The following ANO1 variants were observed in gnomAD, a reference collection of about 807,000 sequenced individuals.
The protein encoded by ANO1 is anoctamin 1, also known as anoctamin-1.
Under a neutral mutation model 124.0 loss-of-function variants are expected in ANO1, and 59 were observed. That is an observed-to-expected ratio of 0.48 (90% CI 0.39 to 0.59). The LOEUF (loss-of-function observed/expected upper bound fraction) is 0.59. Among genes scored for constraint, ANO1 ranks in the 20% least tolerant of loss-of-function variants. The pLI is 0.00. For synonymous variants in ANO1, 529 were observed against 532.0 expected, an observed-to-expected ratio of 0.99 and a Z score of 0.08; for missense variants, 1,059 against 1,328.0, an observed-to-expected ratio of 0.80 and a Z score of 3.15.
At chr11:70,161,425 G>C (rs2048040274) in intron 17 of ANO1, 63 bp downstream of exon 17, 2 of 1,558,194 alleles carry the variant, frequency 1.3e-6, no homozygotes, top group African/African-American at 2.7e-5. Flanking sequence ...CCTGCCTCTT[G>C]CTGTGCATCC....
chr11:70,076,586 A>G (rs76601845), upstream of ANO1, among the ~76,000 whole-genome samples: 26,609 of 152,178 alleles, frequency 0.17, 2,550 homozygotes, highest in Admixed American at 0.25. Flanking sequence ...TCCTCTGTAC[A>G]TGCGTGTGGG....
chr11:70,096,214 T>C (rs1388716225), intron 2 of ANO1, among the ~76,000 whole-genome samples: 1 of 152,208 alleles, frequency 6.6e-6, no homozygotes, highest in Non-Finnish European at 1.5e-5. Context: ...TGCAGCGTTA[T>C]AGATGAGAGC....
chr11:70,089,467 T>G (rs1296583027), intron 2 of ANO1, among the ~76,000 whole-genome samples: 2 of 152,200 alleles, frequency 1.3e-5, no homozygotes, highest in Non-Finnish European at 2.9e-5. Flanking sequence ...ACGTGCTCCA[T>G]GGGGCCTCCC....
intron 1 of ANO1, among the ~76,000 whole-genome samples, chr11:70,058,370 TAC>T (rs1228334805): frequency 6.6e-6 from 1 of 152,238 alleles, no homozygotes; most frequent in Non-Finnish European, 1.5e-5. Context: ...TTTAAAAATA[TAC>T]AGAGTCCTCC....
intron 1 of ANO1, among the ~76,000 whole-genome samples, chr11:70,036,187 T>C (rs6592769): frequency 0.23 from 35,209 of 151,926 alleles, 4,837 homozygotes; most frequent in South Asian, 0.33. Flanking sequence ...GGATCTGGAG[T>C]AGAATCCTTC....
At chr11:70,104,885 A>G (rs2045439955) in intron 4 of ANO1, among the ~76,000 whole-genome samples, 1 of 152,120 alleles carries the variant, frequency 6.6e-6, no homozygotes, top group African/African-American at 2.4e-5. Context: ...CTCAGCTCAC[A>G]GGGGCCCTTG....
chr11:70,083,243 TTACAAGATA>T (rs2044255081), intron 1 of ANO1, among the ~76,000 whole-genome samples: 1 of 152,180 alleles, frequency 6.6e-6, no homozygotes, highest in South Asian at 2.1e-4. Flanking sequence ...TGGAAACTCT[TTACAAGATA>T]TATTAACAGG....
At chr11:70,118,128 A>C (rs538898829) in intron 8 of ANO1, among the ~76,000 whole-genome samples, 1 of 151,208 alleles carries the variant, frequency 6.6e-6, no homozygotes, top group African/African-American at 2.4e-5. Flanking sequence ...TCTTCCATGG[A>C]CACCAGTAGT....
intron 1 of ANO1, among the ~76,000 whole-genome samples, chr11:70,080,768 G>A (rs569351368): frequency 6.6e-6 from 1 of 152,342 alleles, no homozygotes; most frequent in East Asian, 1.9e-4. Context: ...GAGCTTGGAA[G>A]GCTGAATCAG....
Position 70,155,906 on chromosome 11 carries a change from C to CT in ANO1, c.1426-4dup. 1.9e-6 allele frequency: 3 copies of CT among 1,541,256 alleles called. No homozygotes were observed. The highest frequency in any genetic ancestry group is 2.6e-6 in the Non-Finnish European group (3 of 1,143,034). On this transcript the variant is annotated splice_polypyrimidine_tract_variant and splice_region_variant and intron_variant, in intron 14 of 25. Coordinates refer to ENST00000355303, the MANE Select transcript of ANO1 (RefSeq NM_018043.7). ...CGGTGCTCTCTTTCCCCCACCCCCC[C>CT]TCAGAAGCGCCGGCATATTCCAGAG...
chr11:70,017,794 A>G (rs1856728763), intron 1 of ANO1, among the ~76,000 whole-genome samples: 1 of 152,120 alleles, frequency 6.6e-6, no homozygotes, highest in African/African-American at 2.4e-5. Flanking sequence ...CTCTGGAATT[A>G]CAGGCATGAG....
intron 11 of ANO1, among the ~76,000 whole-genome samples, chr11:70,138,864 G>A (rs1012540892): frequency 3.9e-5 from 6 of 152,102 alleles, no homozygotes; most frequent in Admixed American, 1.3e-4. Context: ...TTGGTGTACA[G>A]GTTATTTTGT....
chr11:70,108,355 C>T lies in ANO1; in HGVS notation c.750C>T (p.Val250=). Residue 250 remains valine (V), a splice_region_variant and synonymous_variant, in exon 6 of 26, where the codon GTC becomes GTT. Coordinates refer to ENST00000355303, the MANE Select transcript of ANO1 (RefSeq NM_018043.7). ...CCCCCTTCTTGTCTCTGCAATAGGTCTATGAGATCTTGAAGAGAACGACGT... is the reference window on the plus strand; with the variant it reads ...CCCCCTTCTTGTCTCTGCAATAGGTTTATGAGATCTTGAAGAGAACGACGT... ...FFDSKTRSTI[V]YEILKRTTCT... 2.5e-6 allele frequency: 4 copies of T among 1,611,804 alleles called. No homozygotes were observed. Among genetic ancestry groups the T allele is most frequent in the Non-Finnish European group, 3.4e-6 (4 of 1,178,284 alleles).
chr11:70,163,273 A>G lies in ANO1; in HGVS notation c.1893-10A>G, dbSNP rs758625635. ...CATCTTTTCTCTAACGACCTCCCCC[A>G]TCGTTTCAGGTTTGTTGGACGCCCG... On this transcript the variant is annotated splice_polypyrimidine_tract_variant and intron_variant, in intron 18 of 25. Transcript: ENST00000355303. 3.1e-6 allele frequency: 5 copies of G among 1,612,566 alleles called. No homozygotes were observed. The highest frequency in any genetic ancestry group is 2.7e-5 in the African/African-American group (2 of 74,830).
chr11:70,087,705 T>C (rs1202885961), intron 1 of ANO1, 47 bp from the exon 2 acceptor site: 1 of 1,506,744 alleles, frequency 6.6e-7, no homozygotes, highest in African/African-American at 1.4e-5. Context: ...CAAAGGCCCA[T>C]CACGAGCAGC....
chr11:70,142,439 G>A (rs928605993), intron 11 of ANO1, among the ~76,000 whole-genome samples: 4 of 152,132 alleles, frequency 2.6e-5, no homozygotes, highest in East Asian at 1.9e-4. Flanking sequence ...TAGGGTGCCC[G>A]GTGACTCAGA....
At chr11:70,157,429 G>A (rs530659187) in intron 16 of ANO1, among the ~76,000 whole-genome samples, 5 of 150,662 alleles carry the variant, frequency 3.3e-5, no homozygotes, top group Non-Finnish European at 5.9e-5. Context: ...CCTTTCACAC[G>A]GTGGTGCCAC....
At chr11:70,177,594 C>CTTTTTTTTTTTTTTTTTTTTT (rs57647858) in intron 22 of ANO1, among the ~76,000 whole-genome samples, 2 of 78,930 alleles carry the variant, frequency 2.5e-5, no homozygotes, top group Admixed American at 1.9e-4. Context: ...TTTTTTTTTT[C>CTTTTTTTTTTTTTTTTTTTTT]TTTTTTTTTT....
At chr11:70,028,809 T>G (rs1014030224) in intron 1 of ANO1, among the ~76,000 whole-genome samples, 5 of 152,086 alleles carry the variant, frequency 3.3e-5, no homozygotes, top group Admixed American at 2.6e-4. Flanking sequence ...TGAGATGAAA[T>G]CTTGCTTTGT....
Sources: allele counts gnomAD v4.1 joint callset (sites outside exome capture counted in the v4.1 genomes callset), GRCh38; gene constraint gnomAD v4.1.1; transcripts MANE v1.5; gene names NCBI Gene and HGNC (gene_info 2026-07-23, HGNC 2026-07-21).